The following ZBTB20 variants were observed in gnomAD, a reference collection of about 807,000 sequenced individuals.
The protein encoded by ZBTB20 is zinc finger and BTB domain containing 20, also known as zinc finger and BTB domain-containing protein 20.
Under a neutral mutation model 56.9 loss-of-function variants are expected in ZBTB20, and 9 were observed. The ratio of observed to expected loss-of-function variants is 0.16; its 90% CI spans 0.10 to 0.28. The LOEUF (loss-of-function observed/expected upper bound fraction) is 0.28. ZBTB20 is among the 10% of genes least tolerant of loss of function. The pLI, the probability that ZBTB20 is intolerant of heterozygous loss-of-function variation, is 1.00. For missense variants in ZBTB20, 655 were observed against 1,003.0 expected (o/e 0.65, Z 4.69); for synonymous variants, 417 against 420.7 (o/e 0.99, Z 0.11).
At chr3:115,143,894 A>G (rs576198116) in intron 1 of ZBTB20, among the ~76,000 whole-genome samples, 2 of 152,328 alleles carry the variant, frequency 1.3e-5, no homozygotes, top group South Asian at 4.1e-4. Context: ...AGGCTCTTTC[A>G]AACTGTAGTT....
intron 7 of ZBTB20, among the ~76,000 whole-genome samples, chr3:114,398,085 CA>C (rs1332303416): frequency 6.6e-6 from 1 of 152,058 alleles, no homozygotes; most frequent in Non-Finnish European, 1.5e-5. Flanking sequence ...TATCACCTTT[CA>C]AAAAATTATA....
chr3:114,618,893 A>G (rs1001031258), intron 6 of ZBTB20, among the ~76,000 whole-genome samples: 1 of 152,238 alleles, frequency 6.6e-6, no homozygotes, highest in African/African-American at 2.4e-5. Flanking sequence ...GAATGCAATT[A>G]GCAGGAGGTG....
At chr3:115,009,240 A>G (rs1470796310) in intron 2 of ZBTB20, among the ~76,000 whole-genome samples, 1 of 151,890 alleles carries the variant, frequency 6.6e-6, no homozygotes, top group African/African-American at 2.4e-5. Flanking sequence ...TACAATCACT[A>G]TATAGCCCTT....
At chr3:114,346,575 G>T (rs2080203162) in intron 11 of ZBTB20, among the ~76,000 whole-genome samples, 1 of 151,898 alleles carries the variant, frequency 6.6e-6, no homozygotes, top group Non-Finnish European at 1.5e-5. Flanking sequence ...TAAATTTTTG[G>T]GTTATAATCA....
intron 6 of ZBTB20, among the ~76,000 whole-genome samples, chr3:114,578,947 AG>A (rs2054367382): frequency 6.6e-6 from 1 of 151,844 alleles, no homozygotes; most frequent in African/African-American, 2.4e-5. Flanking sequence ...AAAAACAAAT[AG>A]GTAAAACTAA....
chr3:114,785,707 T>G (rs544393704), intron 5 of ZBTB20, among the ~76,000 whole-genome samples: 3 of 152,280 alleles, frequency 2.0e-5, no homozygotes, highest in Admixed American at 6.5e-5. Flanking sequence ...AAATACACAT[T>G]ACCACGGTCA....
At chr3:114,400,290 C>T (rs1336383737) in intron 7 of ZBTB20, among the ~76,000 whole-genome samples, 3 of 152,152 alleles carry the variant, frequency 2.0e-5, no homozygotes, top group Non-Finnish European at 4.4e-5. Context: ...GCTGTAAAAT[C>T]TCTCTCTTGT....
chr3:114,895,787 T>C (rs2074852424), intron 4 of ZBTB20, among the ~76,000 whole-genome samples: 1 of 152,136 alleles, frequency 6.6e-6, no homozygotes, highest in African/African-American at 2.4e-5. Flanking sequence ...ATACCTAATT[T>C]ACTTTAATCC....
chr3:114,577,885 T>C (rs1197962190), intron 6 of ZBTB20, among the ~76,000 whole-genome samples: 1 of 152,192 alleles, frequency 6.6e-6, no homozygotes, highest in South Asian at 2.1e-4. Flanking sequence ...AACCCCTAGT[T>C]AGGGACATGT....
intron 6 of ZBTB20, among the ~76,000 whole-genome samples, chr3:114,545,036 A>G (rs1284090814): frequency 6.6e-6 from 1 of 152,214 alleles, no homozygotes; most frequent in African/African-American, 2.4e-5. Context: ...CATATGTATG[A>G]AAATATAAGA....
At chr3:114,732,676 C>A (rs1232497037) in intron 5 of ZBTB20, among the ~76,000 whole-genome samples, 1 of 152,096 alleles carries the variant, frequency 6.6e-6, no homozygotes. Context: ...ATATATAATG[C>A]CTTTATTTTC....
chr3:114,851,825 T>G (rs2075015017), intron 4 of ZBTB20, among the ~76,000 whole-genome samples: 1 of 152,174 alleles, frequency 6.6e-6, no homozygotes, highest in African/African-American at 2.4e-5. Flanking sequence ...CTCCGAACAC[T>G]GTTTTATCTA....
intron 1 of ZBTB20, among the ~76,000 whole-genome samples, chr3:115,138,453 T>G (rs1400117285): frequency 2.6e-5 from 4 of 152,104 alleles, no homozygotes; most frequent in Non-Finnish European, 5.9e-5. Flanking sequence ...TGTACCCTTC[T>G]CTAGAACCTT....
At chr3:114,959,685 C>T (rs1046776868) in intron 3 of ZBTB20, among the ~76,000 whole-genome samples, 2 of 148,322 alleles carry the variant, frequency 1.3e-5, no homozygotes, top group African/African-American at 2.5e-5. Context: ...TATGTACACA[C>T]ACACCACACA....
intron 1 of ZBTB20, among the ~76,000 whole-genome samples, chr3:115,122,535 T>A (rs1298029983): frequency 6.6e-6 from 1 of 151,972 alleles, no homozygotes; most frequent in Non-Finnish European, 1.5e-5. Context: ...CAATCCTATA[T>A]CTCTGAGGAG....
rs7626563 is a variant in ZBTB20, at chr3:114,516,322, G to A, written c.-294-15931C>T. Among the ~76,000 whole-genome samples the A allele has an allele frequency of 8.8e-3, 1,334 of 152,248 alleles. 18 individuals are homozygous for A. Among genetic ancestry groups the A allele is most frequent in the African/African-American group, 0.03 (1,252 of 41,530 alleles). On this transcript the variant is annotated intron_variant, in intron 6 of 11. Transcript: ENST00000675478. ...CACTACTCAGCATTCAAGGATATAT[G>A]CCATGTACATTCATGCCCCTTGTAC...
At position 114,909,533 on chromosome 3, in the gene ZBTB20, G is replaced by T. The variant is rs187643530; in HGVS notation, c.-455-9191C>A. Among the ~76,000 whole-genome samples, 6 of 151,970 alleles carry T rather than the reference G, an allele frequency of 3.9e-5. No homozygotes were observed. In the East Asian group the frequency reaches 1.2e-3, roughly 29 times the overall value. ...ACAGTAGCATACAGTAATGTCCTAG[G>T]CCTTCACATTCATTAACCACTCACT... On this transcript the variant is annotated intron_variant, in intron 3 of 11. Transcript: ENST00000675478.
At chr3:114,478,882 A>G (rs536846989) in intron 7 of ZBTB20, among the ~76,000 whole-genome samples, 1 of 152,330 alleles carries the variant, frequency 6.6e-6, no homozygotes, top group African/African-American at 2.4e-5. Flanking sequence ...TGTGCAACAT[A>G]CTTTAGACCA....
intron 6 of ZBTB20, among the ~76,000 whole-genome samples, chr3:114,517,849 C>T (rs896394978): frequency 1.3e-5 from 2 of 152,104 alleles, no homozygotes; most frequent in Non-Finnish European, 2.9e-5. Flanking sequence ...GCTAGGATTA[C>T]AGGTGTGAGC....
Sources: gnomAD v4.1 joint callset for allele counts (sites outside exome capture counted in the v4.1 genomes callset) on GRCh38, gnomAD v4.1.1 for gene constraint, MANE v1.5 for transcripts, NCBI Gene and HGNC (gene_info 2026-07-23, HGNC 2026-07-21) for gene names.